Variants in KIF13A observed in about 807,000 individuals in gnomAD.
KIF13A encodes the protein kinesin family member 13A.
A neutral mutation model predicts 212.2 loss-of-function variants in KIF13A; 79 were observed. The observed-to-expected ratio is 0.37, with a 90% CI of 0.31 to 0.45. The LOEUF is 0.45. Ranked by LOEUF, KIF13A falls within the 20% of genes least tolerant of loss-of-function variation. KIF13A has a pLI of 1.00. For missense variants in KIF13A, 1,901 were observed against 2,209.0 expected (o/e 0.86, Z 2.79); for synonymous variants, 789 against 808.6 (o/e 0.98, Z 0.41).
At position 17,777,281 on chromosome 6, in the gene KIF13A, T is replaced by A; in HGVS notation, c.4166A>T (p.His1389Leu). 6.2e-7 allele frequency: 1 copy of A among 1,611,320 alleles called. No homozygotes were observed. The highest frequency in any genetic ancestry group is 8.5e-7 in the Non-Finnish European group (1 of 1,178,510). Residue 1389 changes from histidine to leucine, a missense_variant, in exon 34 of 39, where the codon CAT becomes CTT. His to Leu is a moderately conservative substitution (Grantham distance 99). Transcript: ENST00000259711. This position sits in a 1 kb window ranked among gnomAD's most constrained non-coding sequence, Gnocchi z 4.4. ...TCCTTGGCAGGATGCACTTACATTA[T>A]GAACATTTGGTGTACTGAGGCTCCT... ...IRRSLSTPNV[H>L]NVSSSRPDLS... is the part of the protein sequence containing the mutation.
rs536813179 is a variant in KIF13A at position 17,878,431 on chromosome 6, C to CTTTT, written c.160-4998_160-4995dup. 6.7e-3 allele frequency among the ~76,000 whole-genome samples: 933 copies of CTTTT among 139,788 alleles called. 12 individuals carry two copies. The highest frequency in any genetic ancestry group is 0.022 in the African/African-American group (827 of 37,618). The allele number at this position is 139,788 out of a possible 152,430, so 91.7% of individuals were successfully genotyped here. A position where few individuals can be genotyped will look rare whatever the true frequency, so the allele number is the denominator to read the frequency against. On this transcript the variant is annotated intron_variant, in intron 3 of 38. Coordinates refer to ENST00000259711, the MANE Select transcript of KIF13A (RefSeq NM_022113.6). ...GTTAATTTTTCATGCCTACCTCTAA[C>CTTTT]TTTTTTTTTTTTTTTCATTTTTGTT...
chr6:17,841,567 G>A (rs762695274), intron 9 of KIF13A, among the ~76,000 whole-genome samples: 3 of 152,172 alleles, frequency 2.0e-5, no homozygotes, highest in Non-Finnish European at 2.9e-5. Context: ...CAGCAGAGGG[G>A]TGGAGCTGTA....
At chr6:17,819,091 C>G (rs1562013835) in intron 16 of KIF13A, among the ~76,000 whole-genome samples, 1 of 151,048 alleles carries the variant, frequency 6.6e-6, no homozygotes, top group Middle Eastern at 3.4e-3. Flanking sequence ...GCTCCACCTC[C>G]CAGGTTCAAG....
At chr6:17,810,266 C>A (rs746605920) in intron 17 of KIF13A, among the ~76,000 whole-genome samples, 1 of 152,186 alleles carries the variant, frequency 6.6e-6, no homozygotes, top group Non-Finnish European at 1.5e-5. Flanking sequence ...CTCACAGTAC[C>A]CAGGCTCTTC....
In KIF13A at chr6:17,787,652, A is replaced by G. The variant is rs1226067445; in HGVS notation, c.3361+124T>C. On this transcript the variant is annotated intron_variant, in intron 27 of 38. Coordinates refer to ENST00000259711, the MANE Select transcript of KIF13A (RefSeq NM_022113.6). This position sits in a 1 kb window ranked among gnomAD's most constrained non-coding sequence, Gnocchi z 4.6. ...GGTGACAGAGTGAGACCCTGTCTTAAAACAACAACAACAACAACAACAAAA... is the reference window on the plus strand; with the variant it reads ...GGTGACAGAGTGAGACCCTGTCTTAGAACAACAACAACAACAACAACAAAA... 2 of 572,754 alleles carry G rather than the reference A, an allele frequency of 3.5e-6. No individual in the cohort carries two copies. Among genetic ancestry groups the G allele is most frequent in the Non-Finnish European group, 6.3e-6 (2 of 317,690 alleles). 35.5% of individuals were successfully genotyped at this position (572,754 alleles called of 1,614,324 possible).
intron 23 of KIF13A, among the ~76,000 whole-genome samples, chr6:17,795,318 C>T (rs937576326): frequency 6.6e-6 from 1 of 151,626 alleles, no homozygotes; most frequent in Admixed American, 6.6e-5. Flanking sequence ...TGTGGTGGCT[C>T]GAGCTTGTAA....
chr6:17,835,464 G>C (rs1765867242), intron 11 of KIF13A, among the ~76,000 whole-genome samples: 1 of 151,992 alleles, frequency 6.6e-6, no homozygotes, highest in South Asian at 2.1e-4. Context: ...CTGGTGTTTT[G>C]CTACCCTTCT....
chr6:17,833,693 TA>T (rs2150375696), intron 12 of KIF13A, among the ~76,000 whole-genome samples: 1 of 151,000 alleles, frequency 6.6e-6, no homozygotes, highest in South Asian at 2.1e-4. Flanking sequence ...CCATCTCTAC[TA>T]AAAATATAAA....
rs762143079 is a variant in KIF13A at position 17,838,645 on chromosome 6, A to T, written c.831-1062T>A. Among the ~76,000 whole-genome samples, 8 of 152,186 alleles carry T rather than the reference A, an allele frequency of 5.3e-5. No individual in the cohort carries two copies. The highest frequency in any genetic ancestry group is 1.0e-4 in the Non-Finnish European group (7 of 68,034). On this transcript the variant is annotated intron_variant, in intron 9 of 38. Transcript: ENST00000259711. The surrounding 1 kb of genome is among the most constrained non-coding windows in gnomAD (Gnocchi z 4.2). ...AAGTGAAACAAGTCAAAAAAATTAA[A>T]ATAAAAATATATAAAAGAAACAAGT...
rs775790926 is a variant in KIF13A, at chr6:17,794,303, G to A, written c.3168C>T (p.Ile1056=). Residue 1056 remains isoleucine (I), a synonymous_variant, in exon 25 of 39, where the codon ATC becomes ATT. Transcript: ENST00000259711. The surrounding 1 kb of genome is among the most constrained non-coding windows in gnomAD (Gnocchi z 4.1). ...TGGTGGACCTGGCAGTTACACAGCC[G>A]ATGGATACTGACAGGATGGCTTCAA... ...LMVEAILSVS[I]GCVTARSTKL... is the part of the protein sequence containing the mutation. 9 of 1,613,156 alleles carry A rather than the reference G, an allele frequency of 5.6e-6. No homozygotes were observed. Among genetic ancestry groups the A allele is most frequent in the Admixed American group, 5.0e-5 (3 of 60,008 alleles).
At chr6:17,910,483 A>C (rs1054759788) in intron 2 of KIF13A, among the ~76,000 whole-genome samples, 1 of 152,254 alleles carries the variant, frequency 6.6e-6, no homozygotes, top group African/African-American at 2.4e-5. Flanking sequence ...TACCAATGTA[A>C]GAGGTATCCT....
Position 17,772,126 on chromosome 6 carries a change from A to C in KIF13A, c.4325-67T>G. On this transcript the variant is annotated intron_variant, in intron 36 of 38. Transcript: ENST00000259711. This position sits in a 1 kb window ranked among gnomAD's most constrained non-coding sequence, Gnocchi z 4.8. ...CTTTAAGCAAAACATAGGAACTGAG[A>C]CAATGACCCAGCCATGGGAATATCT... 1 of 1,419,032 alleles carries C rather than the reference A, an allele frequency of 7.0e-7. No homozygotes were observed. The highest frequency in any genetic ancestry group is 1.8e-4 in the Middle Eastern group (1 of 5,490). The allele number at this position is 1,419,032 out of a possible 1,614,324, so 87.9% of individuals were successfully genotyped here.
downstream of KIF13A, chr6:17,760,043 G>A (rs575145220): frequency 6.6e-6 from 1 of 152,362 alleles, no homozygotes; most frequent in East Asian, 1.9e-4. Flanking sequence ...AGGGGCAGGT[G>A]GAAGACCAAA....
chr6:17,907,067 T>TA (rs1773575468), intron 2 of KIF13A, among the ~76,000 whole-genome samples: 1 of 152,214 alleles, frequency 6.6e-6, no homozygotes, highest in Admixed American at 6.5e-5. Context: ...GGATGATCAT[T>TA]ACTTTAATTA....
intron 3 of KIF13A, among the ~76,000 whole-genome samples, chr6:17,884,339 T>C (rs1230338371): frequency 6.6e-6 from 1 of 152,210 alleles, no homozygotes; most frequent in Admixed American, 6.5e-5. Flanking sequence ...TATGTACTGA[T>C]GGACTTCGCT....
intron 3 of KIF13A, among the ~76,000 whole-genome samples, chr6:17,893,985 G>A (rs746651594): frequency 1.4e-4 from 21 of 151,022 alleles, no homozygotes; most frequent in African/African-American, 3.7e-4. Context: ...GACTACAGGC[G>A]TGTGCCACCA....
In KIF13A at chr6:17,780,900, C is replaced by A. The variant is rs780108694; in HGVS notation, c.3676G>T (p.Ala1226Ser). 1.2e-5 allele frequency: 20 copies of A among 1,612,826 alleles called. No individual in the cohort carries two copies. The highest frequency in any genetic ancestry group is 1.6e-5 in the Non-Finnish European group (19 of 1,179,128). ...IIKHSDDEVSATASWDSSVHD... is the reference protein window; with the variant it reads ...IIKHSDDEVSSTASWDSSVHD... ...ACCGAGGAATCCCAAGAGGCTGTGG[C>A]TGAAACCTAGGAGTTGGGGAATGAT... The change falls in exon 31 of 39, where the codon GCC becomes TCC. Residue 1226 changes from alanine (A) to serine (S), a missense_variant. Ala to Ser is a moderately conservative substitution (Grantham distance 99). This residue lies in a region of KIF13A where 687 missense variants were observed against 759.1 expected (regional missense o/e 0.90). Coordinates refer to ENST00000259711, the MANE Select transcript of KIF13A (RefSeq NM_022113.6).
chr6:17,976,072 T>C (rs1166937132), intron 2 of KIF13A, among the ~76,000 whole-genome samples: 1 of 152,262 alleles, frequency 6.6e-6, no homozygotes, highest in Non-Finnish European at 1.5e-5. Flanking sequence ...TTACAGTCCC[T>C]GAGCTAGACA....
rs1645370506 is a variant in KIF13A, at chr6:17,777,572, C to CGG, written c.4093-220_4093-219dup. Among the ~76,000 whole-genome samples the CGG allele has an allele frequency of 6.6e-6, 1 of 151,876 alleles. No homozygotes were observed. Among genetic ancestry groups the CGG allele is most frequent in the Admixed American group, 6.6e-5 (1 of 15,232 alleles). On this transcript the variant is annotated intron_variant, in intron 33 of 38. Coordinates refer to ENST00000259711, the MANE Select transcript of KIF13A (RefSeq NM_022113.6). This position sits in a 1 kb window ranked among gnomAD's most constrained non-coding sequence, Gnocchi z 4.4. ...ATTTTTTTTTGTATTTTAGTAGAGACGGGGTTTCACCATGTTGCCCAGGTT... is the reference window on the plus strand; with the variant it reads ...ATTTTTTTTTGTATTTTAGTAGAGACGGGGGGTTTCACCATGTTGCCCAGGTT...
Sources: gnomAD v4.1 joint callset for allele counts (sites outside exome capture counted in the v4.1 genomes callset) on GRCh38, gnomAD v4.1.1 for gene constraint, gnomAD v4.1.1 regional missense constraint, Gnocchi (gnomAD v3.1) non-coding constraint, MANE v1.5 for transcripts, NCBI Gene and HGNC (gene_info 2026-07-23, HGNC 2026-07-21) for gene names.